Variants in SLC16A9 observed in about 807,000 individuals in gnomAD.
The protein encoded by SLC16A9 is monocarboxylate transporter 9.
A neutral mutation model predicts 44.3 loss-of-function variants in SLC16A9; 26 were observed. The ratio of observed to expected loss-of-function variants is 0.59; its 90% confidence interval spans 0.43 to 0.81. The LOEUF (loss-of-function observed/expected upper bound fraction) is 0.81. SLC16A9 is among the 40% of genes least tolerant of loss of function. The probability of loss-of-function intolerance (pLI) is 0.00; values close to 1 mark genes in which losing one functional copy is unlikely to be tolerated. For missense variants in SLC16A9, 559 were observed against 595.8 expected (o/e 0.94, Z 0.64); for synonymous variants, 230 against 225.1 (o/e 1.02, Z -0.19).
intron 1 of SLC16A9, among the ~76,000 whole-genome samples, chr10:59,688,984 C>T (rs1840196099): frequency 6.6e-6 from 1 of 151,988 alleles, no homozygotes; most frequent in Non-Finnish European, 1.5e-5. Flanking sequence ...CATTGCCATG[C>T]CCTGCCTTCG....
chr10:59,679,969 T>C (rs1237482647), intron 2 of SLC16A9, among the ~76,000 whole-genome samples: 2 of 152,226 alleles, frequency 1.3e-5, no homozygotes, highest in Non-Finnish European at 2.9e-5. Flanking sequence ...CTCCTTGATA[T>C]TTGTGAATTC....
intron 3 of SLC16A9, among the ~76,000 whole-genome samples, chr10:59,667,548 A>C (rs1226322230): frequency 6.6e-6 from 1 of 152,206 alleles, no homozygotes; most frequent in Non-Finnish European, 1.5e-5. Flanking sequence ...TGAATAGCTA[A>C]ACAAATATTT....
chr10:59,699,690 C>CT (rs146108230), intron 1 of SLC16A9, among the ~76,000 whole-genome samples: 82 of 148,212 alleles, frequency 5.5e-4, no homozygotes, highest in Admixed American at 1.2e-3. Context: ...AAGTATCACT[C>CT]TTTTTTTTTT....
intron 3 of SLC16A9, among the ~76,000 whole-genome samples, chr10:59,665,863 A>G (rs144760594): frequency 6.5e-4 from 99 of 152,358 alleles, no homozygotes; most frequent in African/African-American, 2.2e-3. Context: ...AAGTTGAAAC[A>G]GCAACTTTTA....
intron 2 of SLC16A9, among the ~76,000 whole-genome samples, chr10:59,681,774 T>TATG (rs1564706026): frequency 2.0e-4 from 3 of 15,180 alleles, no homozygotes; most frequent in African/African-American, 4.7e-4. Context: ...TGTATATGTA[T>TATG]ATGTATATGA....
chr10:59,697,783 A>T (rs891522097), intron 1 of SLC16A9, among the ~76,000 whole-genome samples: 3 of 150,558 alleles, frequency 2.0e-5, no homozygotes, highest in Non-Finnish European at 4.4e-5. Context: ...AAAAATAAAA[A>T]AATAAAAAAA....
chr10:59,679,745 C>T (rs965178240), intron 2 of SLC16A9, among the ~76,000 whole-genome samples: 4 of 152,200 alleles, frequency 2.6e-5, no homozygotes, highest in Non-Finnish European at 4.4e-5. Flanking sequence ...CGTCACACCT[C>T]CCAACACAAT....
intron 4 of SLC16A9, among the ~76,000 whole-genome samples, chr10:59,661,269 C>T (rs552444515): frequency 3.9e-5 from 6 of 152,234 alleles, no homozygotes; most frequent in South Asian, 4.2e-4. Flanking sequence ...CATCTCAGCC[C>T]GAAATCTCCT....
chr10:59,688,533 A>G (rs1488626517), intron 1 of SLC16A9, among the ~76,000 whole-genome samples: 2 of 152,174 alleles, frequency 1.3e-5, no homozygotes, highest in Admixed American at 6.5e-5. Context: ...AAACTTTTGT[A>G]GTAATCAAAT....
intron 1 of SLC16A9, among the ~76,000 whole-genome samples, chr10:59,688,751 G>A (rs1263416516): frequency 1.3e-5 from 2 of 150,956 alleles, no homozygotes; most frequent in Non-Finnish European, 1.5e-5. Context: ...GTTGTGTGAA[G>A]ACAAATGCAT....
chr10:59,698,576 A>G (rs912920799), intron 1 of SLC16A9, among the ~76,000 whole-genome samples: 5 of 152,166 alleles, frequency 3.3e-5, no homozygotes, highest in African/African-American at 1.2e-4. Flanking sequence ...CACAGGTTCA[A>G]CCACCCCAAA....
At chr10:59,663,035 G>GT (rs1295084584) in intron 4 of SLC16A9, among the ~76,000 whole-genome samples, 1 of 152,092 alleles carries the variant, frequency 6.6e-6, no homozygotes, top group Non-Finnish European at 1.5e-5. Context: ...CAACCCAAAC[G>GT]TCCATCAATG....
At chr10:59,708,667 A>AG (rs1840696174) in intron 1 of SLC16A9, 1 of 152,268 alleles carries the variant, frequency 6.6e-6, no homozygotes, top group African/African-American at 2.4e-5. Flanking sequence ...TGTGTTGGAT[A>AG]GACTAGGCAC....
intron 2 of SLC16A9, among the ~76,000 whole-genome samples, chr10:59,674,437 C>T (rs1839816505): frequency 6.6e-6 from 1 of 152,168 alleles, no homozygotes; most frequent in African/African-American, 2.4e-5. Flanking sequence ...TTTTCAGGCC[C>T]TCTTGTGTGA....
chr10:59,703,412 G>T (rs1658090291), intron 1 of SLC16A9, among the ~76,000 whole-genome samples: 1 of 152,164 alleles, frequency 6.6e-6, no homozygotes, highest in African/African-American at 2.4e-5. Context: ...TATCAATAGT[G>T]CGGCTATGAA....
intron 1 of SLC16A9, among the ~76,000 whole-genome samples, chr10:59,703,414 G>A (rs535837335): frequency 2.6e-5 from 4 of 152,240 alleles, no homozygotes; most frequent in Non-Finnish European, 5.9e-5. Flanking sequence ...TCAATAGTGC[G>A]GCTATGAAAA....
chr10:59,686,343 C>G (rs1205254238), intron 1 of SLC16A9, among the ~76,000 whole-genome samples: 2 of 152,200 alleles, frequency 1.3e-5, no homozygotes, highest in East Asian at 3.9e-4. Context: ...ATCAGCCTGT[C>G]TGGTTCAAAA....
intron 1 of SLC16A9, among the ~76,000 whole-genome samples, chr10:59,691,895 A>C (rs1840261262): frequency 6.6e-6 from 1 of 152,206 alleles, no homozygotes; most frequent in African/African-American, 2.4e-5. Context: ...AAATGTATAC[A>C]TATGCACTAT....
chr10:59,671,424 T>C (rs1160832231), intron 3 of SLC16A9, among the ~76,000 whole-genome samples: 1 of 152,184 alleles, frequency 6.6e-6, no homozygotes, highest in Non-Finnish European at 1.5e-5. Context: ...GTGAAATACA[T>C]TTTGAACATT....
Sources: gnomAD v4.1 joint callset for allele counts (sites outside exome capture counted in the v4.1 genomes callset) on GRCh38, gnomAD v4.1.1 for gene constraint, MANE v1.5 for transcripts, NCBI Gene and HGNC (gene_info 2026-07-23, HGNC 2026-07-21) for gene names.